The following COLEC10 variants were observed in gnomAD, a reference collection of about 807,000 sequenced individuals.
COLEC10 encodes collectin subfamily member 10.
A neutral mutation model predicts 28.4 loss-of-function variants in COLEC10; 22 were observed. The observed-to-expected ratio is 0.78, with a 90% CI of 0.55 to 1.11. COLEC10 has a LOEUF of 1.11. Ranked by LOEUF, COLEC10 falls within the 50% of genes least tolerant of loss-of-function variation. The pLI is 0.00. For synonymous variants in COLEC10, 125 were observed against 116.1 expected (o/e 1.08, Z -0.49); for missense variants, 361 against 344.1 (o/e 1.05, Z -0.39).
intron 1 of COLEC10, among the ~76,000 whole-genome samples, chr8:119,085,470 GGAA>G (rs1234755807): frequency 2.0e-5 from 3 of 152,078 alleles, no homozygotes; most frequent in Non-Finnish European, 4.4e-5. Flanking sequence ...GGCATAGATG[GGAA>G]GAAGATGTAA....
the COLEC10 span, among the ~76,000 whole-genome samples, chr8:118,971,908 A>G: frequency 6.6e-6 from 1 of 151,910 alleles, no homozygotes; most frequent in Non-Finnish European, 1.5e-5. Flanking sequence ...TTGTATCGGG[A>G]GCTTTTGACA....
At chr8:119,008,480 A>ATT (rs5894470) in intron 1 of COLEC10, among the ~76,000 whole-genome samples, 1,604 of 145,414 alleles carry the variant, frequency 0.011, 32 homozygotes, top group Non-Finnish European at 0.015. Flanking sequence ...TTTACTTTTT[A>ATT]TTTTTTTTTT....
At chr8:119,091,247 T>C in intron 3 of COLEC10, 27 bp downstream of exon 3, 13 of 1,579,766 alleles carry the variant, frequency 8.2e-6, no homozygotes, top group East Asian at 2.2e-5. Flanking sequence ...TATTCTCCAG[T>C]AGCAATTCAA....
At chr8:119,102,513 T>G (rs1422916166) in intron 4 of COLEC10, 112 bp downstream of exon 4, 2 of 883,462 alleles carry the variant, frequency 2.3e-6, no homozygotes, top group African/African-American at 3.5e-5. Context: ...ATGCTTAACC[T>G]TATTTTCCTC....
At chr8:118,985,681 A>T in the COLEC10 span, among the ~76,000 whole-genome samples, 1 of 152,028 alleles carries the variant, frequency 6.6e-6, no homozygotes, top group Non-Finnish European at 1.5e-5. Flanking sequence ...GGGGTCTAGA[A>T]ATTATTAGGA....
At chr8:119,095,183 T>G (rs1815685289) in intron 3 of COLEC10, among the ~76,000 whole-genome samples, 2 of 152,138 alleles carry the variant, frequency 1.3e-5, no homozygotes, top group Non-Finnish European at 1.5e-5. Flanking sequence ...TAGAAACAAT[T>G]TAAAAAGAGA....
the COLEC10 span, among the ~76,000 whole-genome samples, chr8:118,963,626 T>C: frequency 6.6e-6 from 1 of 152,244 alleles, no homozygotes; most frequent in Admixed American, 6.5e-5. Flanking sequence ...ATAGAAGAGT[T>C]CGAAATATCC....
rs1005597186 is a variant in COLEC10 at position 119,108,060 on chromosome 8, C to A, written c.*1869C>A. 6.6e-6 allele frequency among the ~76,000 whole-genome samples: 1 copy of A among 152,076 alleles called. No individual in the cohort carries two copies. The highest frequency in any genetic ancestry group is 6.6e-5 in the Admixed American group (1 of 15,252). ...TGAAAGTCAAGATATCCCATTAATACCATATTCAATTCAGCTTAATAATAG... is the reference window on the plus strand; with the variant it reads ...TGAAAGTCAAGATATCCCATTAATAACATATTCAATTCAGCTTAATAATAG... On this transcript the variant is annotated 3_prime_UTR_variant, in exon 6 of 6. Coordinates refer to ENST00000332843, the MANE Select transcript of COLEC10 (RefSeq NM_006438.5).
the COLEC10 span, among the ~76,000 whole-genome samples, chr8:118,965,761 A>AAAG: frequency 6.6e-6 from 1 of 152,050 alleles, no homozygotes; most frequent in Non-Finnish European, 1.5e-5. Context: ...AGGACCTGGC[A>AAAG]CAGTGCTTTG....
intron 2 of COLEC10, among the ~76,000 whole-genome samples, chr8:119,041,556 A>G (rs893063440): frequency 2.6e-5 from 4 of 152,166 alleles, no homozygotes; most frequent in South Asian, 4.1e-4. Context: ...TGACCCCAAT[A>G]TACTACTTGA....
intron 2 of COLEC10, among the ~76,000 whole-genome samples, chr8:119,058,299 T>G (rs1446519079): frequency 6.6e-6 from 1 of 152,048 alleles, no homozygotes; most frequent in African/African-American, 2.4e-5. Flanking sequence ...ATAAAATTAA[T>G]TGTAAGTGAA....
chr8:119,024,403 TC>T (rs1249963691), intron 2 of COLEC10, among the ~76,000 whole-genome samples: 1 of 152,026 alleles, frequency 6.6e-6, no homozygotes, highest in Non-Finnish European at 1.5e-5. Context: ...TTATAGTGAG[TC>T]CCCTTATAAG....
chr8:119,021,015 G>A (rs1027728531), intron 2 of COLEC10, among the ~76,000 whole-genome samples: 1 of 151,988 alleles, frequency 6.6e-6, no homozygotes, highest in Non-Finnish European at 1.5e-5. Flanking sequence ...GATGATATAT[G>A]GAATATAGAA....
chr8:119,012,530 T>C (rs1813918796), intron 2 of COLEC10, among the ~76,000 whole-genome samples: 1 of 150,610 alleles, frequency 6.6e-6, no homozygotes, highest in Non-Finnish European at 1.5e-5. Flanking sequence ...TGTAAGAGTT[T>C]TTAGAGAATT....
upstream of COLEC10, among the ~76,000 whole-genome samples, chr8:119,064,157 C>A (rs1814908822): frequency 6.6e-6 from 1 of 152,110 alleles, no homozygotes; most frequent in South Asian, 2.1e-4. Flanking sequence ...AATTTAACCA[C>A]TTTATGTATT....
intron 2 of COLEC10, among the ~76,000 whole-genome samples, chr8:119,042,415 T>A (rs1587014661): frequency 1.3e-5 from 2 of 151,124 alleles, no homozygotes; most frequent in East Asian, 1.9e-4. Context: ...TTTATTTATT[T>A]ATTTATTTAT....
chr8:119,070,333 A>G (rs1351547787), intron 1 of COLEC10, among the ~76,000 whole-genome samples: 6 of 152,134 alleles, frequency 3.9e-5, no homozygotes, highest in Non-Finnish European at 5.9e-5. Flanking sequence ...TTAAGTAACA[A>G]TTTTGAGAAT....
chr8:118,962,261 A>T, the COLEC10 span, among the ~76,000 whole-genome samples: 7 of 152,330 alleles, frequency 4.6e-5, no homozygotes, highest in African/African-American at 1.7e-4. Context: ...TCTATAGACT[A>T]TTCCTGTGTA....
At chr8:119,056,023 T>A (rs553148596) in intron 2 of COLEC10, among the ~76,000 whole-genome samples, 14 of 152,160 alleles carry the variant, frequency 9.2e-5, no homozygotes, top group African/African-American at 3.4e-4. Flanking sequence ...TCCTCACAAT[T>A]TGCATTCTTT....
Sources: gnomAD v4.1 joint callset for allele counts (sites outside exome capture counted in the v4.1 genomes callset) on GRCh38, gnomAD v4.1.1 for gene constraint, MANE v1.5 for transcripts, NCBI Gene and HGNC (gene_info 2026-07-23, HGNC 2026-07-21) for gene names.